Variants in LIMD1 observed in about 807,000 individuals in gnomAD.
LIMD1 encodes the protein LIM domain-containing protein 1.
LIMD1 carries 23 observed loss-of-function variants against 58.4 expected under a neutral mutation model. The ratio of observed to expected loss-of-function variants is 0.39; its 90% CI spans 0.28 to 0.56. LIMD1 has a LOEUF of 0.56. Among genes scored for constraint, LIMD1 ranks in the 20% least tolerant of loss-of-function variants. The pLI, the probability that LIMD1 is intolerant of heterozygous loss-of-function variation, is 0.57. For synonymous variants in LIMD1, 334 were observed against 345.5 expected (o/e 0.97, Z 0.37); for missense variants, 838 against 855.5 (o/e 0.98, Z 0.25).
intron 1 of LIMD1, among the ~76,000 whole-genome samples, chr3:45,614,941 G>T (rs1701562677): frequency 6.6e-6 from 1 of 151,912 alleles, no homozygotes; most frequent in Non-Finnish European, 1.5e-5. Flanking sequence ...AAGAATTTGA[G>T]TGAACTAAAA....
chr3:45,672,944 C>G, intron 5 of LIMD1, 124 bp downstream of exon 5: 1 of 1,189,072 alleles, frequency 8.4e-7, no homozygotes, highest in Non-Finnish European at 1.2e-6. Flanking sequence ...CCAGCAAAGG[C>G]TTAATGGTTT....
intron 2 of LIMD1, among the ~76,000 whole-genome samples, chr3:45,649,440 G>C (rs1283566253): frequency 6.6e-6 from 1 of 151,484 alleles, no homozygotes; most frequent in Non-Finnish European, 1.5e-5. Flanking sequence ...CCAGCACTTT[G>C]GGAGGCCGAG....
intron 2 of LIMD1, among the ~76,000 whole-genome samples, chr3:45,657,236 G>T (rs552152435): frequency 2.0e-5 from 3 of 152,262 alleles, no homozygotes; most frequent in African/African-American, 7.2e-5. Context: ...CTGTCTCCAA[G>T]TGGAAGGTTA....
At chr3:45,666,287 C>T (rs1194037719) in intron 3 of LIMD1, among the ~76,000 whole-genome samples, 1 of 152,204 alleles carries the variant, frequency 6.6e-6, no homozygotes, top group Non-Finnish European at 1.5e-5. Context: ...TCCTTGAACG[C>T]AGCCAGGCGT....
At chr3:45,675,328 G>A (rs979070955) in intron 7 of LIMD1, among the ~76,000 whole-genome samples, 5 of 152,160 alleles carry the variant, frequency 3.3e-5, no homozygotes, top group South Asian at 4.1e-4. Context: ...TCAGGAGTTC[G>A]AGACCAGCCT....
At chr3:45,668,252 T>G (rs201246157) in intron 3 of LIMD1, 42 bp from the exon 4 acceptor site, 1 of 1,531,370 alleles carries the variant, frequency 6.5e-7, no homozygotes, top group African/African-American at 1.4e-5. Flanking sequence ...CTGATTCATC[T>G]TACCAGTCTG....
intron 1 of LIMD1, among the ~76,000 whole-genome samples, chr3:45,621,372 G>A (rs1701627004): frequency 6.6e-6 from 1 of 152,060 alleles, no homozygotes; most frequent in Non-Finnish European, 1.5e-5. Context: ...TGGGTCTACA[G>A]GCATGTACCA....
intron 1 of LIMD1, among the ~76,000 whole-genome samples, chr3:45,610,403 G>T (rs17261269): frequency 0.27 from 41,435 of 152,084 alleles, 6,977 homozygotes; most frequent in Middle Eastern, 0.43. Flanking sequence ...GCTCTCATGT[G>T]GGTAGGAGAT....
intron 1 of LIMD1, among the ~76,000 whole-genome samples, chr3:45,603,879 T>C (rs1168076134): frequency 6.6e-6 from 1 of 152,206 alleles, no homozygotes; most frequent in Non-Finnish European, 1.5e-5. Context: ...TGATGTACGA[T>C]GTACACATAT....
At chr3:45,669,242 A>G (rs943277938) in intron 4 of LIMD1, among the ~76,000 whole-genome samples, 1 of 152,204 alleles carries the variant, frequency 6.6e-6, no homozygotes, top group Non-Finnish European at 1.5e-5. Context: ...AGGTTAATGA[A>G]TACAACATCA....
chr3:45,624,580 G>A (rs916069901), intron 1 of LIMD1, among the ~76,000 whole-genome samples: 2 of 152,064 alleles, frequency 1.3e-5, no homozygotes, highest in Non-Finnish European at 2.9e-5. Context: ...GAAATTAGCC[G>A]GGTGTGGTGG....
intron 4 of LIMD1, 39 bp downstream of exon 4, chr3:45,668,395 T>G (rs541981739): frequency 1.4e-6 from 2 of 1,473,622 alleles, no homozygotes; most frequent in East Asian, 2.3e-5. Flanking sequence ...GCATCTCAGG[T>G]GGAGGAGGAG....
At chr3:45,603,088 G>A (rs267231) in intron 1 of LIMD1, among the ~76,000 whole-genome samples, 28,185 of 152,102 alleles carry the variant, frequency 0.19, 2,815 homozygotes, top group Non-Finnish European at 0.23. Context: ...TGATCTGCCC[G>A]CCTTGGCCTC....
Position 45,677,828 on chromosome 3 carries a change from T to C in LIMD1, c.*769T>C, listed in dbSNP as rs1202751159. The stretch of plus-strand genomic sequence containing the variant: ...AAGAACTTGGTGCAGGCACCAGGAT[T>C]TTTTTTTTTGCCCACGTGTTTGCGC... On this transcript the variant is annotated 3_prime_UTR_variant, in exon 8 of 8. Coordinates refer to ENST00000273317, the MANE Select transcript of LIMD1 (RefSeq NM_014240.3). 1 of 150,618 alleles carries C rather than the reference T, an allele frequency of 6.6e-6. No homozygotes were observed. The highest frequency in any genetic ancestry group is 1.5e-5 in the Non-Finnish European group (1 of 67,484). 9.3% of individuals were successfully genotyped at this position (150,618 alleles called of 1,614,324 possible).
intron 3 of LIMD1, among the ~76,000 whole-genome samples, chr3:45,666,151 C>T (rs1697515562): frequency 6.6e-6 from 1 of 152,176 alleles, no homozygotes; most frequent in African/African-American, 2.4e-5. Flanking sequence ...CCCACTGGCC[C>T]CTGGGCTGTG....
At chr3:45,621,847 A>C (rs4407434) in intron 1 of LIMD1, among the ~76,000 whole-genome samples, 1 of 152,128 alleles carries the variant, frequency 6.6e-6, no homozygotes, top group Non-Finnish European at 1.5e-5. Context: ...GGTGGATCAA[A>C]AAGTCAGGAG....
At chr3:45,649,964 T>C (rs564433516) in intron 2 of LIMD1, among the ~76,000 whole-genome samples, 1 of 151,212 alleles carries the variant, frequency 6.6e-6, no homozygotes, top group Admixed American at 6.6e-5. Flanking sequence ...GATTTCATCA[T>C]TGATTTTGAG....
At chr3:45,615,840 C>T (rs1324670716) in intron 1 of LIMD1, among the ~76,000 whole-genome samples, 1 of 152,000 alleles carries the variant, frequency 6.6e-6, no homozygotes. Flanking sequence ...TGTCATTCCG[C>T]ACTGTATGTC....
chr3:45,673,426 T>C (rs368651738), intron 5 of LIMD1, 28 bp from the exon 6 acceptor site: 2 of 1,604,462 alleles, frequency 1.2e-6, no homozygotes, highest in Non-Finnish European at 1.7e-6. Flanking sequence ...AGAAGCAACA[T>C]TTATTGCTGC....
Sources: allele counts gnomAD v4.1 joint callset (sites outside exome capture counted in the v4.1 genomes callset), GRCh38; gene constraint gnomAD v4.1.1; transcripts MANE v1.5; gene names NCBI Gene and HGNC (gene_info 2026-07-23, HGNC 2026-07-21).